The following SKAP2 variants were observed in gnomAD, a reference collection of about 807,000 sequenced individuals.
SKAP2 encodes the protein src kinase associated phosphoprotein 2.
A neutral mutation model predicts 54.9 loss-of-function variants in SKAP2; 28 were observed. The observed-to-expected ratio is 0.51, with a 90% CI of 0.38 to 0.70. The LOEUF is 0.70. SKAP2 is among the 30% of genes least tolerant of loss of function. The pLI, the probability that SKAP2 is intolerant of heterozygous loss-of-function variation, is 0.00. For synonymous variants in SKAP2, 137 were observed against 134.3 expected, an observed-to-expected ratio of 1.02 and a Z score of -0.14; for missense variants, 356 against 424.1, an observed-to-expected ratio of 0.84 and a Z score of 1.41.
intron 9 of SKAP2, among the ~76,000 whole-genome samples, chr7:26,696,189 T>G (rs1786890806): frequency 6.6e-6 from 1 of 152,208 alleles, no homozygotes; most frequent in African/African-American, 2.4e-5. Flanking sequence ...AAAGGACTGT[T>G]CTGTCTATTC....
At chr7:26,847,869 T>C (rs954602260) in intron 3 of SKAP2, 4 of 152,210 alleles carry the variant, frequency 2.6e-5, no homozygotes, top group Non-Finnish European at 5.9e-5. Context: ...AGGATAATGA[T>C]GGGGTTGTTG....
At chr7:26,770,569 C>T (rs909275400) in intron 4 of SKAP2, among the ~76,000 whole-genome samples, 1 of 152,160 alleles carries the variant, frequency 6.6e-6, no homozygotes, top group Admixed American at 6.5e-5. Flanking sequence ...GCTTGAAACC[C>T]AGGGCCCTGG....
rs143235588 is a variant in SKAP2 at position 26,736,112 on chromosome 7, C to T, written c.469+2683G>A. Among the ~76,000 whole-genome samples, 6 of 152,208 alleles carry T rather than the reference C, an allele frequency of 3.9e-5. No individual in the cohort carries two copies. The East Asian group carries it at 9.7e-4, about 24-fold the overall frequency. On this transcript the variant is annotated intron_variant, in intron 6 of 12. Coordinates refer to ENST00000345317, the MANE Select transcript of SKAP2 (RefSeq NM_003930.5). ...AGAGGCTTTTAAACCAGAGCAACTC[C>T]GTCTTGAATAGGGGCTGAGTAAAAT... is the stretch of plus-strand genomic sequence containing the variant.
intron 4 of SKAP2, among the ~76,000 whole-genome samples, chr7:26,827,438 A>G (rs1784514797): frequency 6.6e-6 from 1 of 152,230 alleles, no homozygotes; most frequent in Admixed American, 6.5e-5. Flanking sequence ...GGAATCTGAA[A>G]GTATATTTGA....
chr7:26,852,706 G>A (rs73069533), intron 3 of SKAP2, among the ~76,000 whole-genome samples: 26,236 of 152,044 alleles, frequency 0.17, 2,831 homozygotes, highest in Non-Finnish European at 0.24. Context: ...CAAAGGGAAA[G>A]CTTCCCAACT....
At chr7:26,722,931 T>G (rs1305484118) in intron 9 of SKAP2, among the ~76,000 whole-genome samples, 1 of 152,252 alleles carries the variant, frequency 6.6e-6, no homozygotes, top group Non-Finnish European at 1.5e-5. Flanking sequence ...CAACAATGCA[T>G]AATTGACAGA....
Position 26,677,741 on chromosome 7 carries a change from G to A in SKAP2, c.987+6995C>T, listed in dbSNP as rs568294116. Among the ~76,000 whole-genome samples, 17 of 152,214 alleles carry A rather than the reference G, an allele frequency of 1.1e-4. No homozygotes were observed. The South Asian group carries it at 3.3e-3, about 30-fold the overall frequency. ...TATTTTATGCATTGGTCTTCTCTTC[G>A]ACTTAATTGCAGTCTCCTTGAATAA... On this transcript the variant is annotated intron_variant, in intron 11 of 12. Coordinates refer to ENST00000345317, the MANE Select transcript of SKAP2 (RefSeq NM_003930.5).
intron 4 of SKAP2, among the ~76,000 whole-genome samples, chr7:26,820,769 T>C (rs1210948466): frequency 2.6e-5 from 4 of 152,180 alleles, no homozygotes; most frequent in Admixed American, 6.5e-5. Flanking sequence ...AAATAAAATA[T>C]TGTCCAACAC....
intron 11 of SKAP2, among the ~76,000 whole-genome samples, chr7:26,677,128 T>A (rs1278932418): frequency 6.6e-6 from 1 of 152,068 alleles, no homozygotes; most frequent in Non-Finnish European, 1.5e-5. Flanking sequence ...TGATGGCTCA[T>A]GCCTGTAATC....
chr7:26,821,008 AAGTC>A (rs1230843985), intron 4 of SKAP2, among the ~76,000 whole-genome samples: 1 of 152,186 alleles, frequency 6.6e-6, no homozygotes, highest in African/African-American at 2.4e-5. Flanking sequence ...AATTTGTTCA[AAGTC>A]AGAGTGTCAA....
intron 4 of SKAP2, among the ~76,000 whole-genome samples, chr7:26,747,795 C>T (rs10257194): frequency 0.048 from 7,300 of 151,314 alleles, 625 homozygotes; most frequent in African/African-American, 0.17. Flanking sequence ...CCCTCCCCTC[C>T]GCTCCCCTTT....
intron 4 of SKAP2, among the ~76,000 whole-genome samples, chr7:26,813,669 T>C (rs1784203664): frequency 6.6e-6 from 1 of 152,196 alleles, no homozygotes; most frequent in African/African-American, 2.4e-5. Flanking sequence ...TATTTGTTGC[T>C]GACCGCTGGC....
rs576034728 is a variant in SKAP2, at chr7:26,800,003, A to G, written c.307+44027T>C. 1.7e-4 allele frequency among the ~76,000 whole-genome samples: 25 copies of G among 143,324 alleles called. No individual in the cohort carries two copies. The South Asian group carries it at 4.0e-3, about 23-fold the overall frequency. 94.0% of individuals were successfully genotyped at this position (143,324 alleles called of 152,430 possible). A position where few individuals can be genotyped will look rare whatever the true frequency, so the allele number is the denominator to read the frequency against. On this transcript the variant is annotated intron_variant, in intron 4 of 12. Coordinates refer to ENST00000345317, the MANE Select transcript of SKAP2 (RefSeq NM_003930.5). ...GCCATTTGTGGTGGGGGGTGTCTGT[A>G]GTCCCAGCTACTTAGGAGGCTGAGG... is the stretch of plus-strand genomic sequence containing the variant.
chr7:26,740,736 A>C (rs1782424435), intron 4 of SKAP2, among the ~76,000 whole-genome samples: 2 of 152,230 alleles, frequency 1.3e-5, no homozygotes, highest in South Asian at 4.1e-4. Context: ...TTGTAATCCC[A>C]GCACTTTTGG....
At chr7:26,847,971 T>TTAAC (rs1784959748) in intron 3 of SKAP2, 3 of 152,162 alleles carry the variant, frequency 2.0e-5, no homozygotes, top group African/African-American at 7.2e-5. Context: ...GTTAACAGAA[T>TTAAC]AAAAGACAAT....
At chr7:26,854,275 A>G (rs547249761) in intron 2 of SKAP2, 113 bp from the exon 3 acceptor site, 7 of 582,720 alleles carry the variant, frequency 1.2e-5, no homozygotes, top group African/African-American at 5.9e-5. Context: ...CTAGATATAC[A>G]TTAGAAAAAA....
intron 3 of SKAP2, among the ~76,000 whole-genome samples, chr7:26,844,442 A>T (rs1299581947): frequency 6.6e-6 from 1 of 152,104 alleles, no homozygotes; most frequent in Non-Finnish European, 1.5e-5. Flanking sequence ...CAAAAAGTAG[A>T]AGCAGGGTAA....
chr7:26,728,297 G>A (rs530385732), intron 6 of SKAP2, among the ~76,000 whole-genome samples: 4 of 152,208 alleles, frequency 2.6e-5, no homozygotes, highest in East Asian at 3.9e-4. Flanking sequence ...TTTGGGAAAC[G>A]TTTTGCCGAA....
intron 4 of SKAP2, among the ~76,000 whole-genome samples, chr7:26,771,892 C>T (rs933462828): frequency 1.3e-5 from 2 of 152,090 alleles, no homozygotes; most frequent in South Asian, 4.1e-4. Context: ...GAATAACAAA[C>T]GGGTTTGGAC....
Sources: allele counts gnomAD v4.1 joint callset (sites outside exome capture counted in the v4.1 genomes callset), GRCh38; gene constraint gnomAD v4.1.1; transcripts MANE v1.5; gene names NCBI Gene and HGNC (gene_info 2026-07-23, HGNC 2026-07-21).